PPIG: variants seen among roughly 807,000 people sequenced by gnomAD.
PPIG encodes the protein peptidylprolyl isomerase G.
In PPIG, 26 loss-of-function variants were observed where a neutral mutation model predicts 87.9. That is an observed-to-expected ratio of 0.30 (90% CI 0.22 to 0.41). PPIG has a LOEUF of 0.41. Ranked by LOEUF, PPIG falls within the 10% of genes least tolerant of loss-of-function variation. The probability of loss-of-function intolerance (pLI) is 1.00; values close to 1 mark genes in which losing one functional copy is unlikely to be tolerated. For missense variants in PPIG, 722 were observed against 879.4 expected, an observed-to-expected ratio of 0.82 and a Z score of 2.26; for synonymous variants, 308 against 276.5, an observed-to-expected ratio of 1.11 and a Z score of -1.13.
intron 1 of PPIG, among the ~76,000 whole-genome samples, chr2:169,586,336 A>G (rs1684704727): frequency 6.6e-6 from 1 of 152,162 alleles, no homozygotes; most frequent in Non-Finnish European, 1.5e-5. Context: ...GGTTAGAAAA[A>G]TTTGGACTTT....
chr2:169,625,518 A>T (rs1685860316), intron 9 of PPIG, among the ~76,000 whole-genome samples: 1 of 150,032 alleles, frequency 6.7e-6, no homozygotes, highest in African/African-American at 2.4e-5. Context: ...AGCCTAATGG[A>T]TTTTTTTTTT....
At chr2:169,599,555 T>C (rs911035195) in intron 1 of PPIG, among the ~76,000 whole-genome samples, 18 of 152,230 alleles carry the variant, frequency 1.2e-4, no homozygotes, top group African/African-American at 4.3e-4. Flanking sequence ...AAAGGTACAA[T>C]GAATATGAAT....
At chr2:169,607,288 T>C in intron 6 of PPIG, 140 bp downstream of exon 6, 1 of 526,078 alleles carries the variant, frequency 1.9e-6, no homozygotes, top group Non-Finnish European at 3.2e-6. Context: ...GTTAATTTTC[T>C]GGTAAAAAAA....
chr2:169,621,258 A>G (rs1558897108), intron 9 of PPIG, among the ~76,000 whole-genome samples: 2 of 152,024 alleles, frequency 1.3e-5, no homozygotes, highest in Non-Finnish European at 2.9e-5. Context: ...AAAACATCCG[A>G]GATGGGCATG....
chr2:169,593,796 G>A (rs1472652854), intron 1 of PPIG, among the ~76,000 whole-genome samples: 16 of 146,964 alleles, frequency 1.1e-4, no homozygotes, highest in African/African-American at 3.7e-4. Flanking sequence ...ACAGGCGCCC[G>A]CCACCATGCC....
chr2:169,610,089 T>C (rs899127573), intron 7 of PPIG, among the ~76,000 whole-genome samples: 3 of 152,236 alleles, frequency 2.0e-5, no homozygotes, highest in African/African-American at 4.8e-5. Flanking sequence ...TTTGTTCTGT[T>C]CGGTAGCCTT....
intron 12 of PPIG, 130 bp downstream of exon 12, chr2:169,633,377 T>A: frequency 1.4e-6 from 1 of 726,576 alleles, no homozygotes; most frequent in Non-Finnish European, 2.4e-6. Context: ...GGCATTGAAT[T>A]ATATATTCTC....
chr2:169,594,431 AC>A (rs1244897264), intron 1 of PPIG, among the ~76,000 whole-genome samples: 1 of 151,892 alleles, frequency 6.6e-6, no homozygotes, highest in Non-Finnish European at 1.5e-5. Flanking sequence ...TTACCCTTAA[AC>A]CCATGGCCCA....
In PPIG at chr2:169,637,440, C is replaced by A; in HGVS notation, c.2182C>A (p.Gln728Lys). 4 of 1,611,728 alleles carry A rather than the reference C, an allele frequency of 2.5e-6. No homozygotes were observed. The highest frequency in any genetic ancestry group is 2.2e-5 in the South Asian group (2 of 90,532). ...AAAAGAAAACCAAAAATCAAAAGGT[C>A]AAGAAAATGACCATGTACATGAAAA... ...VEKENQKSKGQENDHVHEKNK... is the reference protein window; with the variant it reads ...VEKENQKSKGKENDHVHEKNK... Residue 728 changes from glutamine (Q) to lysine (K), a missense_variant, in exon 14 of 14, where the codon CAA (glutamine) becomes AAA (lysine). Transcript: ENST00000260970.
In PPIG at chr2:169,631,948, A is replaced by T. The variant is rs1202257884; in HGVS notation, c.929+15A>T. 6.4e-7 allele frequency: 1 copy of T among 1,569,598 alleles called. No individual in the cohort carries two copies. Among genetic ancestry groups the T allele is most frequent in the Non-Finnish European group, 8.7e-7 (1 of 1,151,116 alleles). On this transcript the variant is annotated intron_variant, in intron 11 of 13. Coordinates refer to ENST00000260970, the MANE Select transcript of PPIG (RefSeq NM_004792.3). ...GAAAGAGAGTGGTATGTGAATATGT[A>T]TATTTTGCCTTACATGGTTTACCAT... is the stretch of plus-strand genomic sequence containing the variant.
chr2:169,620,854 T>C (rs190799245), intron 9 of PPIG, among the ~76,000 whole-genome samples: 2 of 152,264 alleles, frequency 1.3e-5, no homozygotes, highest in East Asian at 3.9e-4. Context: ...CCTTCAAACC[T>C]GTATAGAAAG....
At chr2:169,613,111 A>G (rs1384030680) in intron 7 of PPIG, among the ~76,000 whole-genome samples, 1 of 152,232 alleles carries the variant, frequency 6.6e-6, no homozygotes, top group Non-Finnish European at 1.5e-5. Flanking sequence ...ACTTGCAAAT[A>G]AAGTTATCAG....
chr2:169,614,934 A>G (rs1011514513), intron 9 of PPIG, among the ~76,000 whole-genome samples: 1 of 152,196 alleles, frequency 6.6e-6, no homozygotes, highest in Non-Finnish European at 1.5e-5. Flanking sequence ...TGAAGTATGT[A>G]TATGTTGTGG....
chr2:169,626,424 C>G (rs186781695), intron 9 of PPIG, among the ~76,000 whole-genome samples: 1 of 152,258 alleles, frequency 6.6e-6, no homozygotes, highest in Admixed American at 6.5e-5. Context: ...AACGGAGTCT[C>G]AATCTGTCTC....
Position 169,640,004 on chromosome 2 carries a change from T to C in PPIG, c.*2481T>C, listed in dbSNP as rs1448962510. 1 of 152,200 alleles carries C rather than the reference T, an allele frequency of 6.6e-6. No individual in the cohort carries two copies. The highest frequency in any genetic ancestry group is 1.5e-5 in the Non-Finnish European group (1 of 68,022). 9.4% of individuals were successfully genotyped at this position (152,200 alleles called of 1,614,324 possible). A position where few individuals can be genotyped will look rare whatever the true frequency, so the allele number is the denominator to read the frequency against. On this transcript the variant is annotated 3_prime_UTR_variant, in exon 14 of 14. Transcript: ENST00000260970. ...AATTGGTGATAGCTGAGAAAATTTTTTCAATATGTAGAATTTTCATGGTTA... is the reference window on the plus strand; with the variant it reads ...AATTGGTGATAGCTGAGAAAATTTTCTCAATATGTAGAATTTTCATGGTTA...
chr2:169,611,671 A>G (rs1347748390), intron 7 of PPIG, among the ~76,000 whole-genome samples: 1 of 152,192 alleles, frequency 6.6e-6, no homozygotes, highest in Non-Finnish European at 1.5e-5. Context: ...CACATTCTCA[A>G]CAGAGTATTA....
chr2:169,609,243 C>T (rs1685421375), intron 7 of PPIG, among the ~76,000 whole-genome samples: 2 of 152,168 alleles, frequency 1.3e-5, no homozygotes, highest in Non-Finnish European at 1.5e-5. Flanking sequence ...CAAGGTCTTG[C>T]TCTGTCACCC....
intron 11 of PPIG, 122 bp downstream of exon 11, chr2:169,632,055 A>C: frequency 7.9e-7 from 1 of 1,260,702 alleles, no homozygotes; most frequent in Middle Eastern, 2.6e-4. Flanking sequence ...TCTTTTTTAT[A>C]AAATGTTCTT....
At chr2:169,631,673 G>A (rs1686055983) in intron 10 of PPIG, 93 bp from the exon 11 acceptor site, 7 of 1,580,304 alleles carry the variant, frequency 4.4e-6, no homozygotes, top group Non-Finnish European at 6.0e-6. Context: ...TTATATTATA[G>A]TGATATAAAG....
Sources: gnomAD v4.1 joint callset for allele counts (sites outside exome capture counted in the v4.1 genomes callset) on GRCh38, gnomAD v4.1.1 for gene constraint, MANE v1.5 for transcripts, NCBI Gene and HGNC (gene_info 2026-07-23, HGNC 2026-07-21) for gene names.